Variants in PARP8 observed in about 807,000 individuals in gnomAD.
The protein encoded by PARP8 is protein mono-ADP-ribosyltransferase PARP8.
Under a neutral mutation model 124.1 loss-of-function variants are expected in PARP8, and 51 were observed. That is an observed-to-expected ratio of 0.41 (90% CI 0.33 to 0.52). The LOEUF (loss-of-function observed/expected upper bound fraction) is 0.52. Among genes scored for constraint, PARP8 ranks in the 20% least tolerant of loss-of-function variants. The pLI is 0.21. For synonymous variants in PARP8, 391 were observed against 361.5 expected, an observed-to-expected ratio of 1.08 and a Z score of -0.93; for missense variants, 860 against 1,018.9, an observed-to-expected ratio of 0.84 and a Z score of 2.12.
intron 14 of PARP8, among the ~76,000 whole-genome samples, chr5:50,808,162 C>T (rs1384668813): frequency 6.6e-6 from 1 of 151,608 alleles, no homozygotes; most frequent in East Asian, 1.9e-4. Context: ...TTTATTTAGC[C>T]ACGGTTGAGG....
At chr5:50,680,255 T>G (rs13170746) in intron 2 of PARP8, among the ~76,000 whole-genome samples, 20,977 of 152,174 alleles carry the variant, frequency 0.14, 1,521 homozygotes, top group East Asian at 0.19. Flanking sequence ...TTTGCTCAGG[T>G]TCTTTACAAG....
At chr5:50,771,116 TAC>T (rs1761584238) in intron 7 of PARP8, among the ~76,000 whole-genome samples, 1 of 150,008 alleles carries the variant, frequency 6.7e-6, no homozygotes, top group Non-Finnish European at 1.5e-5. Flanking sequence ...TATATATATA[TAC>T]ACACACACAT....
chr5:50,799,254 G>A (rs1227724746), intron 14 of PARP8, among the ~76,000 whole-genome samples: 1 of 152,162 alleles, frequency 6.6e-6, no homozygotes, highest in Non-Finnish European at 1.5e-5. Context: ...ATGGTGTTAG[G>A]TTGGGGTCCA....
In PARP8 at chr5:50,824,774, G is replaced by C. The variant is rs928003064; in HGVS notation, c.1861-134G>C. 4.4e-5 allele frequency: 29 copies of C among 660,854 alleles called. No individual in the cohort carries two copies. In the African/African-American group the frequency reaches 5.0e-4, roughly 11 times the overall value. The allele number at this position is 660,854 out of a possible 1,614,324, so 40.9% of individuals were successfully genotyped here. Reference sequence around the variant, plus strand: ...GGGAGAAAAGACTAGGGCAATTGTTGTTGTTCCCATGTTAAGTCCATAAAT... The same window carrying C: ...GGGAGAAAAGACTAGGGCAATTGTTCTTGTTCCCATGTTAAGTCCATAAAT... On this transcript the variant is annotated intron_variant, in intron 17 of 25. Transcript: ENST00000281631.
At chr5:50,759,842 C>G (rs771758446) in intron 4 of PARP8, 110 bp downstream of exon 4, 8 of 1,221,552 alleles carry the variant, frequency 6.5e-6, no homozygotes, top group Non-Finnish European at 8.7e-6. Flanking sequence ...TCTTCTGTGT[C>G]TATAAATCCA....
At chr5:50,693,382 T>C (rs552225432) in intron 2 of PARP8, among the ~76,000 whole-genome samples, 30 of 152,178 alleles carry the variant, frequency 2.0e-4, no homozygotes, top group Non-Finnish European at 4.1e-4. Flanking sequence ...CTCCAGGTGT[T>C]GCTGATTGTG....
At chr5:50,673,973 A>G (rs2149435638) in intron 2 of PARP8, among the ~76,000 whole-genome samples, 2 of 152,356 alleles carry the variant, frequency 1.3e-5, no homozygotes, top group Middle Eastern at 6.8e-3. Flanking sequence ...GATAGCTGCC[A>G]CTGATTATTT....
At chr5:50,759,958 A>G (rs1041899534) in intron 4 of PARP8, among the ~76,000 whole-genome samples, 1 of 152,188 alleles carries the variant, frequency 6.6e-6, no homozygotes, top group African/African-American at 2.4e-5. Flanking sequence ...TTATGCTGAC[A>G]TTGCTGTTGT....
At chr5:50,817,909 G>A (rs775200340) in intron 15 of PARP8, among the ~76,000 whole-genome samples, 2 of 152,060 alleles carry the variant, frequency 1.3e-5, no homozygotes, top group Non-Finnish European at 2.9e-5. Context: ...AATGTCCTTT[G>A]GAGGCACCTG....
chr5:50,672,737 G>A (rs1445663687), intron 2 of PARP8, among the ~76,000 whole-genome samples: 4 of 152,158 alleles, frequency 2.6e-5, no homozygotes, highest in Admixed American at 6.5e-5. Flanking sequence ...ACCTGGGCCC[G>A]CAGTGTGTAA....
At chr5:50,813,536 A>G (rs1204523622) in intron 14 of PARP8, among the ~76,000 whole-genome samples, 1 of 152,176 alleles carries the variant, frequency 6.6e-6, no homozygotes, top group East Asian at 1.9e-4. Flanking sequence ...TGTCATCTGC[A>G]AACAGGGACA....
intron 11 of PARP8, among the ~76,000 whole-genome samples, chr5:50,794,636 A>T (rs1024510055): frequency 1.9e-4 from 29 of 152,352 alleles, no homozygotes; most frequent in Admixed American, 4.6e-4. Flanking sequence ...AGGGAAAAAA[A>T]ATCTTAGAAC....
At chr5:50,776,526 T>A (rs1740039548) in intron 7 of PARP8, among the ~76,000 whole-genome samples, 1 of 152,220 alleles carries the variant, frequency 6.6e-6, no homozygotes, top group Non-Finnish European at 1.5e-5. Context: ...CAAATCATTT[T>A]TATCCCTTTA....
intron 18 of PARP8, 54 bp from the exon 19 acceptor site, chr5:50,826,701 A>T: frequency 4.6e-6 from 7 of 1,524,826 alleles, no homozygotes; most frequent in East Asian, 2.5e-5. Context: ...TAAGAAAAAG[A>T]ACTTTAAATA....
rs1440435249 is a variant in PARP8, at chr5:50,844,821, A to G, written c.*2753A>G. 1 of 151,676 alleles carries G rather than the reference A, an allele frequency of 6.6e-6. No homozygotes were observed. The highest frequency in any genetic ancestry group is 1.9e-4 in the East Asian group (1 of 5,156). The allele number at this position is 151,676 out of a possible 1,614,324, so 9.4% of individuals were successfully genotyped here. On this transcript the variant is annotated 3_prime_UTR_variant, in exon 26 of 26. Coordinates refer to ENST00000281631, the MANE Select transcript of PARP8 (RefSeq NM_024615.4). ...TTCTCTTTCACTGTATTAAAAGGAG[A>G]AGAAAATGAACATTTGAGAATGGAA... is the stretch of plus-strand genomic sequence containing the variant.
rs185771893 is a variant in PARP8, at chr5:50,794,773, G to A, written c.864-80G>A. On this transcript the variant is annotated intron_variant, in intron 11 of 25. Transcript: ENST00000281631. Reference sequence around the variant, plus strand: ...TGGTAGAATATTTATTAGCACAGTCGAGTTTGAGCATGACAAGCTTTCTTC... The same window carrying A: ...TGGTAGAATATTTATTAGCACAGTCAAGTTTGAGCATGACAAGCTTTCTTC... 3.2e-6 allele frequency: 4 copies of A among 1,259,132 alleles called. No individual in the cohort carries two copies. The East Asian group carries it at 7.0e-5, about 22-fold the overall frequency. The allele number at this position is 1,259,132 out of a possible 1,614,324, so 78.0% of individuals were successfully genotyped here. A position where few individuals can be genotyped will look rare whatever the true frequency, so the allele number is the denominator to read the frequency against.
At chr5:50,687,744 G>C (rs753947587) in intron 2 of PARP8, among the ~76,000 whole-genome samples, 1 of 152,084 alleles carries the variant, frequency 6.6e-6, no homozygotes, top group Non-Finnish European at 1.5e-5. Context: ...AAACTCCCCC[G>C]TATAATAACT....
intron 2 of PARP8, among the ~76,000 whole-genome samples, chr5:50,709,809 GAGTC>G (rs1754537230): frequency 6.6e-6 from 1 of 150,586 alleles, no homozygotes; most frequent in South Asian, 2.1e-4. Flanking sequence ...AATAGACAAA[GAGTC>G]AGAGATGGAT....
At chr5:50,754,586 A>G (rs200863643) in intron 3 of PARP8, among the ~76,000 whole-genome samples, 2 of 152,046 alleles carry the variant, frequency 1.3e-5, no homozygotes, top group Non-Finnish European at 2.9e-5. Flanking sequence ...TCTATCATTG[A>G]TGGACATTTG....
Sources: gnomAD v4.1 joint callset for allele counts (sites outside exome capture counted in the v4.1 genomes callset) on GRCh38, gnomAD v4.1.1 for gene constraint, MANE v1.5 for transcripts, NCBI Gene and HGNC (gene_info 2026-07-23, HGNC 2026-07-21) for gene names.